Variants in SCHIP1 observed in about 807,000 individuals in gnomAD.
The protein encoded by SCHIP1 is schwannomin-interacting protein 1.
SCHIP1 carries 8 observed loss-of-function variants against 29.7 expected under a neutral mutation model. The observed-to-expected ratio is 0.27, with a 90% CI of 0.16 to 0.49. The LOEUF is 0.49. SCHIP1 is among the 20% of genes least tolerant of loss of function. The probability of loss-of-function intolerance (pLI) is 0.99; values close to 1 mark genes in which losing one functional copy is unlikely to be tolerated. For missense variants in SCHIP1, 193 were observed against 294.6 expected (o/e 0.66, Z 2.52); for synonymous variants, 76 against 94.9 (o/e 0.80, Z 1.16).
the SCHIP1 span, among the ~76,000 whole-genome samples, chr3:159,610,393 G>A: frequency 1.2e-4 from 18 of 151,874 alleles, no homozygotes; most frequent in Non-Finnish European, 2.5e-4. Flanking sequence ...GAGATTTTGT[G>A]GGGGGTGATG....
At chr3:159,405,680 C>A in the SCHIP1 span, among the ~76,000 whole-genome samples, 2 of 151,684 alleles carry the variant, frequency 1.3e-5, no homozygotes, top group Non-Finnish European at 2.9e-5. Context: ...AGTTCGAGAC[C>A]AGCCTGGCCA....
the SCHIP1 span, among the ~76,000 whole-genome samples, chr3:159,320,157 A>G: frequency 3.3e-5 from 5 of 152,390 alleles, no homozygotes; most frequent in East Asian, 3.9e-4. Context: ...TTATGGTTAC[A>G]TAACTAATTT....
the SCHIP1 span, among the ~76,000 whole-genome samples, chr3:159,509,605 C>G: frequency 6.6e-6 from 1 of 152,174 alleles, no homozygotes; most frequent in Admixed American, 6.5e-5. Context: ...GTGGCTGGTA[C>G]TGGTTGTTCC....
the SCHIP1 span, among the ~76,000 whole-genome samples, chr3:159,616,838 C>T: frequency 5.3e-5 from 8 of 152,250 alleles, no homozygotes; most frequent in South Asian, 8.3e-4. Context: ...CTGGAACAGC[C>T]GCCATCTAGA....
the SCHIP1 span, among the ~76,000 whole-genome samples, chr3:159,828,474 C>CGTATATATACGTATATAT: frequency 3.6e-3 from 421 of 115,670 alleles, 29 homozygotes; most frequent in South Asian, 6.6e-3. Flanking sequence ...TATATATACA[C>CGTATATATACGTATATAT]ACACATACAC....
chr3:159,780,047 A>C, the SCHIP1 span, among the ~76,000 whole-genome samples: 299 of 152,212 alleles, frequency 2.0e-3, 1 homozygote, highest in African/African-American at 6.9e-3. Flanking sequence ...TTGGGGGACT[A>C]CCTCTTCCGC....
chr3:159,475,297 T>C, the SCHIP1 span, among the ~76,000 whole-genome samples: 3 of 152,152 alleles, frequency 2.0e-5, no homozygotes, highest in African/African-American at 7.2e-5. Context: ...CCTTGAAAAT[T>C]ATGCTGAATG....
the SCHIP1 span, among the ~76,000 whole-genome samples, chr3:159,669,357 TGTC>T: frequency 6.6e-6 from 1 of 152,230 alleles, no homozygotes; most frequent in East Asian, 1.9e-4. Context: ...GGATCATGAC[TGTC>T]GTCATCACTT....
the SCHIP1 span, among the ~76,000 whole-genome samples, chr3:159,646,203 C>T: frequency 6.6e-6 from 1 of 152,224 alleles, no homozygotes; most frequent in East Asian, 1.9e-4. Flanking sequence ...ACCTATGGAG[C>T]CATGGATGTG....
chr3:159,422,266 C>A, the SCHIP1 span, among the ~76,000 whole-genome samples: 1 of 152,192 alleles, frequency 6.6e-6, no homozygotes, highest in East Asian at 1.9e-4. Context: ...ACCCACTTAT[C>A]CACTAACTTA....
At chr3:159,492,427 C>A in the SCHIP1 span, among the ~76,000 whole-genome samples, 1 of 152,124 alleles carries the variant, frequency 6.6e-6, no homozygotes, top group Non-Finnish European at 1.5e-5. Flanking sequence ...GAACTGAAAA[C>A]CACAGCACAA....
the SCHIP1 span, among the ~76,000 whole-genome samples, chr3:159,655,380 GTGATGATGATGATGA>G: frequency 2.0e-5 from 3 of 151,980 alleles, no homozygotes; most frequent in African/African-American, 7.3e-5. Flanking sequence ...AGTAGTAGTA[GTGATGATGATGATGA>G]TGATGGTGAT....
chr3:159,506,945 G>A, the SCHIP1 span, among the ~76,000 whole-genome samples: 1 of 152,182 alleles, frequency 6.6e-6, no homozygotes, highest in Non-Finnish European at 1.5e-5. Context: ...TCCTGGCAAT[G>A]CGGGCTCTTC....
chr3:159,274,870 A>C, the SCHIP1 span: 5 of 617,538 alleles, frequency 8.1e-6, no homozygotes, highest in Non-Finnish European at 1.0e-5. Context: ...TGTATTATAA[A>C]ATTTATTTCC....
At chr3:159,357,722 G>A in the SCHIP1 span, among the ~76,000 whole-genome samples, 1 of 152,126 alleles carries the variant, frequency 6.6e-6, no homozygotes, top group South Asian at 2.1e-4. Flanking sequence ...GAGTAAAATA[G>A]TACTTATTTA....
At chr3:159,868,369 A>G (rs1442088191) in intron 2 of SCHIP1, among the ~76,000 whole-genome samples, 3 of 152,120 alleles carry the variant, frequency 2.0e-5, no homozygotes, top group African/African-American at 4.8e-5. Flanking sequence ...ACTACCTGCT[A>G]TAAAAAGATA....
chr3:159,498,473 G>A, the SCHIP1 span, among the ~76,000 whole-genome samples: 1 of 152,272 alleles, frequency 6.6e-6, no homozygotes, highest in Middle Eastern at 3.4e-3. Context: ...AAAAGGAATA[G>A]AACTGGTAGT....
chr3:159,273,810 T>C, the SCHIP1 span: 1 of 1,613,262 alleles, frequency 6.2e-7, no homozygotes. Context: ...CAAGAGTAAC[T>C]CTTCAGCACC....
chr3:159,748,283 A>G, the SCHIP1 span, among the ~76,000 whole-genome samples: 1 of 152,244 alleles, frequency 6.6e-6, no homozygotes, highest in East Asian at 1.9e-4. Context: ...AAATTGATGA[A>G]TCACAGTATA....
Sources: allele counts gnomAD v4.1 joint callset (sites outside exome capture counted in the v4.1 genomes callset), GRCh38; gene constraint gnomAD v4.1.1; transcripts MANE v1.5; gene names NCBI Gene and HGNC (gene_info 2026-07-23, HGNC 2026-07-21).